COLGALT2: variants seen among roughly 807,000 people sequenced by gnomAD.
The protein encoded by COLGALT2 is procollagen galactosyltransferase 2.
In COLGALT2, 49 loss-of-function variants were observed where a neutral mutation model predicts 73.4. The ratio of observed to expected loss-of-function variants is 0.67; its 90% confidence interval spans 0.53 to 0.85. The LOEUF (loss-of-function observed/expected upper bound fraction) is 0.85, where lower values mean the gene tolerates loss of function less well. Ranked by LOEUF, COLGALT2 falls within the 40% of genes least tolerant of loss-of-function variation. COLGALT2 has a pLI of 0.00. For missense variants in COLGALT2, 722 were observed against 790.2 expected (o/e 0.91, Z 1.03); for synonymous variants, 295 against 307.6 (o/e 0.96, Z 0.43).
chr1:183,992,704 G>C (rs1671662863), intron 1 of COLGALT2, among the ~76,000 whole-genome samples: 1 of 152,186 alleles, frequency 6.6e-6, no homozygotes, highest in South Asian at 2.1e-4. Context: ...TGATGCACTA[G>C]CTTTTTAAAA....
At position 183,936,492 on chromosome 1, in the gene COLGALT2, T is replaced by C. The variant is rs1669958411; in HGVS notation, c.*2269A>G. The C allele has an allele frequency of 1.0e-6, 1 of 1,002,052 alleles. No individual in the cohort carries two copies. The highest frequency in any genetic ancestry group is 4.7e-5 in the South Asian group (1 of 21,408). The allele number at this position is 1,002,052 out of a possible 1,614,324, so 62.1% of individuals were successfully genotyped here. ...AAAGTCTTTTAAGAATGAGAGTTCT[T>C]AAATCTGTCAGACCAGCTGACAGGG... is the stretch of plus-strand genomic sequence containing the variant. On this transcript the variant is annotated 3_prime_UTR_variant, in exon 12 of 12. Coordinates refer to ENST00000361927, the MANE Select transcript of COLGALT2 (RefSeq NM_015101.4).
intron 1 of COLGALT2, among the ~76,000 whole-genome samples, chr1:184,016,777 T>C (rs568875620): frequency 5.9e-5 from 9 of 152,220 alleles, no homozygotes; most frequent in Non-Finnish European, 1.3e-4. Context: ...AGCTGAGTAA[T>C]GCCACAAGCA....
chr1:183,954,630 G>T, intron 7 of COLGALT2, 132 bp downstream of exon 7: 2 of 550,646 alleles, frequency 3.6e-6, no homozygotes, highest in Non-Finnish European at 6.4e-6. Flanking sequence ...GTTTTCCCAA[G>T]ACCTCAGAGC....
rs114256492 is a variant in COLGALT2 at position 183,991,345 on chromosome 1, T to C, written c.264-12825A>G. Among the ~76,000 whole-genome samples, 1,509 of 152,360 alleles carry C rather than the reference T, an allele frequency of 9.9e-3. 24 individuals carry two copies. The highest frequency in any genetic ancestry group is 0.034 in the African/African-American group (1,421 of 41,574). ...AATATTAGATGCATATAAATCATTT[T>C]GATTTTTTTAAAAAGCCATCACACT... On this transcript the variant is annotated intron_variant, in intron 1 of 11. Coordinates refer to ENST00000361927, the MANE Select transcript of COLGALT2 (RefSeq NM_015101.4).
Position 184,037,525 on chromosome 1 carries a change from A to G in COLGALT2, c.-168T>C, listed in dbSNP as rs1287816287. On this transcript the variant is annotated 5_prime_UTR_variant, in exon 1 of 12. Coordinates refer to ENST00000361927, the MANE Select transcript of COLGALT2 (RefSeq NM_015101.4). ...ACTGGCCTCGGCGGCTGCGGTTCCC[A>G]GGACCCTCCCGCCGCCGCTGCACCG... is the stretch of plus-strand genomic sequence containing the variant. 5.2e-6 allele frequency: 6 copies of G among 1,146,166 alleles called. No individual in the cohort carries two copies. The highest frequency in any genetic ancestry group is 6.4e-6 in the Non-Finnish European group (6 of 934,402). 71.0% of individuals were successfully genotyped at this position (1,146,166 alleles called of 1,614,324 possible).
At position 184,037,244 on chromosome 1, in the gene COLGALT2, G is replaced by A; in HGVS notation, c.114C>T (p.Asp38=). 1 of 1,584,154 alleles carries A rather than the reference G, an allele frequency of 6.3e-7. No individual in the cohort carries two copies. Among genetic ancestry groups the A allele is most frequent in the African/African-American group, 1.4e-5 (1 of 74,056 alleles). Residue 38 remains aspartate, a synonymous_variant, in exon 1 of 12, where the codon GAC becomes GAT. Coordinates refer to ENST00000361927, the MANE Select transcript of COLGALT2 (RefSeq NM_015101.4). ...RFVAERDSED[D]GEEPVVFPES... ...CCGGGAAAACCACCGGCTCCTCTCC[G>A]TCGTCCTCCGAGTCCCGCTCGGCGA...
intron 7 of COLGALT2, among the ~76,000 whole-genome samples, chr1:183,954,560 C>T (rs1464484884): frequency 2.0e-5 from 3 of 152,218 alleles, no homozygotes; most frequent in African/African-American, 7.2e-5. Flanking sequence ...TGATTAACTA[C>T]ATTTATCATG....
chr1:183,989,622 AAAC>A (rs758530829), intron 1 of COLGALT2, among the ~76,000 whole-genome samples: 12 of 152,354 alleles, frequency 7.9e-5, no homozygotes, highest in South Asian at 2.1e-4. Flanking sequence ...TCCTTTCTGG[AAAC>A]AACTGCAGTT....
At chr1:183,962,190 C>T (rs1242035029) in intron 6 of COLGALT2, among the ~76,000 whole-genome samples, 11 of 111,268 alleles carry the variant, frequency 9.9e-5, no homozygotes, top group African/African-American at 3.7e-4. Flanking sequence ...GATGGAGTCT[C>T]ACTCTGTCAC....
chr1:183,941,470 C>A (rs7339898), intron 10 of COLGALT2, among the ~76,000 whole-genome samples: 7 of 152,202 alleles, frequency 4.6e-5, no homozygotes, highest in African/African-American at 1.4e-4. Context: ...ACAGGATGCA[C>A]CTTTGGCCAC....
Position 184,005,523 on chromosome 1 carries a change from T to C in COLGALT2, c.264-27003A>G, listed in dbSNP as rs565410631. Among the ~76,000 whole-genome samples, 11 of 152,288 alleles carry C rather than the reference T, an allele frequency of 7.2e-5. No individual in the cohort carries two copies. The East Asian group carries it at 2.1e-3, about 29-fold the overall frequency. On this transcript the variant is annotated intron_variant, in intron 1 of 11. Coordinates refer to ENST00000361927, the MANE Select transcript of COLGALT2 (RefSeq NM_015101.4). Reference sequence around the variant, plus strand: ...GTGTGGGATCTAGCCTAGGTATCAATTTGAAAAGAGCTACCTGGTTATACT... The same window carrying C: ...GTGTGGGATCTAGCCTAGGTATCAACTTGAAAAGAGCTACCTGGTTATACT...
At chr1:183,992,044 G>C (rs184001684) in intron 1 of COLGALT2, among the ~76,000 whole-genome samples, 1 of 152,056 alleles carries the variant, frequency 6.6e-6, no homozygotes, top group Non-Finnish European at 1.5e-5. Context: ...CTGCAGAGAG[G>C]GGAGCAGTGA....
chr1:183,957,074 T>C (rs1023021938), intron 6 of COLGALT2, among the ~76,000 whole-genome samples: 3 of 152,246 alleles, frequency 2.0e-5, no homozygotes, highest in South Asian at 4.2e-4. Flanking sequence ...GCTTTCGGGA[T>C]AGTTTCAAGA....
intron 11 of COLGALT2, 91 bp from the exon 12 acceptor site, chr1:183,939,128 T>C (rs1670043038): frequency 1.2e-6 from 1 of 815,412 alleles, no homozygotes; most frequent in East Asian, 2.6e-5. Flanking sequence ...CCTGGTTACC[T>C]CATGAGTTCA....
rs202206750 is a variant in COLGALT2 at position 183,938,844 on chromosome 1, G to T, written c.1798C>A (p.Arg600Ser). 6.2e-7 allele frequency: 1 copy of T among 1,614,042 alleles called. No homozygotes were observed. Among genetic ancestry groups the T allele is most frequent in the Non-Finnish European group, 8.5e-7 (1 of 1,180,048 alleles). The change falls in exon 12 of 12, where the codon CGC becomes AGC. Residue 600 changes from arginine (R) to serine (S), a missense_variant. Physicochemically the swap from Arg to Ser is moderately radical, Grantham distance 110. Transcript: ENST00000361927. The stretch of plus-strand genomic sequence containing the variant: ...GTGTTCTTGGCATTGCTGTAGATGC[G>T]GCTTTGCTTCCGGGACTTCCAGGCA... ...THAWKSRKQS[R>S]IYSNAKNTEA... is the part of the protein sequence containing the mutation.
At chr1:184,029,106 A>G (rs2102860641) in intron 1 of COLGALT2, among the ~76,000 whole-genome samples, 1 of 152,370 alleles carries the variant, frequency 6.6e-6, no homozygotes, top group East Asian at 1.9e-4. Flanking sequence ...CATGCAAGAG[A>G]CTTGGCTAAT....
chr1:184,037,032 G>C, intron 1 of COLGALT2, 63 bp downstream of exon 1: 2 of 1,290,774 alleles, frequency 1.5e-6, no homozygotes, highest in Non-Finnish European at 2.0e-6. Context: ...TCCGGGCGCT[G>C]TCCGCGCTGG....
chr1:183,932,037 T>C (rs1669859140), downstream of COLGALT2, among the ~76,000 whole-genome samples: 1 of 152,102 alleles, frequency 6.6e-6, no homozygotes, highest in African/African-American at 2.4e-5. Flanking sequence ...GAATAATCAG[T>C]ATATGAGGTT....
At chr1:184,035,538 T>C (rs553820998) in intron 1 of COLGALT2, among the ~76,000 whole-genome samples, 1 of 152,318 alleles carries the variant, frequency 6.6e-6, no homozygotes, top group South Asian at 2.1e-4. Context: ...ATAAACATCA[T>C]AGCATCCTCT....
Sources: gnomAD v4.1 joint callset for allele counts (sites outside exome capture counted in the v4.1 genomes callset) on GRCh38, gnomAD v4.1.1 for gene constraint, MANE v1.5 for transcripts, NCBI Gene and HGNC (gene_info 2026-07-23, HGNC 2026-07-21) for gene names.